CENATAC: variants seen among roughly 807,000 people sequenced by gnomAD.
The protein encoded by CENATAC is centrosomal AT-AC splicing factor.
CENATAC carries 53 observed loss-of-function variants against 53.7 expected under a neutral mutation model. The ratio of observed to expected loss-of-function variants is 0.99; its 90% confidence interval spans 0.79 to 1.24. The LOEUF is 1.24. CENATAC is among the 50% of genes most tolerant of loss of function. The pLI is 0.00. For synonymous variants in CENATAC, 156 were observed against 144.6 expected (o/e 1.08, Z -0.57); for missense variants, 474 against 417.8 (o/e 1.13, Z -1.17).
At position 118,998,295 on chromosome 11, in the gene CENATAC, C is replaced by A; in HGVS notation, c.98C>A (p.Ala33Asp). 1 of 1,606,516 alleles carries A rather than the reference C, an allele frequency of 6.2e-7. No individual in the cohort carries two copies. Among genetic ancestry groups the A allele is most frequent in the East Asian group, 2.2e-5 (1 of 44,640 alleles). Residue 33 changes from alanine to aspartate, a missense_variant, in exon 1 of 11, where the codon GCT becomes GAT. Coordinates refer to ENST00000334418, the MANE Select transcript of CENATAC (RefSeq NM_198489.3). ...SRKHQRQLKE[A>D]LERLLPQVEA... is the part of the protein sequence containing the mutation. ...AAGCACCAGCGGCAGCTGAAGGAGG[C>A]TTTGGAGAGGCTCCTGCCCCAGGTG... is the stretch of plus-strand genomic sequence containing the variant.
intron 3 of CENATAC, chr11:119,005,990 G>A (rs923573496): frequency 7.1e-6 from 1 of 141,548 alleles, no homozygotes; most frequent in South Asian, 2.3e-4. Context: ...AGACTGGAGT[G>A]CAGCGGTACA....
At position 118,998,460 on chromosome 11, in the gene CENATAC, G is replaced by C. The variant is rs781975206; in HGVS notation, c.151G>C (p.Ala51Pro). The C allele has an allele frequency of 7.4e-6, 12 of 1,612,628 alleles. No individual in the cohort carries two copies. The highest frequency in any genetic ancestry group is 1.0e-5 in the Non-Finnish European group (12 of 1,179,822). Residue 51 changes from alanine (A) to proline (P), a missense_variant, in exon 2 of 11, where the codon GCT (alanine) becomes CCT (proline). By Grantham distance (27) the Ala-to-Pro change is conservative (BLOSUM62 -1). Coordinates refer to ENST00000334418, the MANE Select transcript of CENATAC (RefSeq NM_198489.3). ...GGCGGCCCGCAAGGCCATCCGCGCC[G>C]CTCAGGTGGAGCGCTATGTGCCCGA... The part of the protein sequence containing the change: ...VEAARKAIRA[A>P]QVERYVPEHE...
chr11:119,006,816 G>C (rs782302237), intron 3 of CENATAC, among the ~76,000 whole-genome samples: 12 of 152,240 alleles, frequency 7.9e-5, no homozygotes, highest in Non-Finnish European at 1.8e-4. Context: ...AATCATGGGG[G>C]CGTTTTCCCC....
intron 3 of CENATAC, chr11:119,003,025 A>G (rs1342873949): frequency 1.5e-5 from 8 of 522,566 alleles, no homozygotes; most frequent in Admixed American, 9.7e-5. Flanking sequence ...GATGATCCCT[A>G]TTTTGTTGGC....
intron 6 of CENATAC, 71 bp from the exon 7 acceptor site, chr11:119,012,078 G>A: frequency 6.2e-7 from 1 of 1,613,808 alleles, no homozygotes; most frequent in South Asian, 1.1e-5. Context: ...CTGGGAAATG[G>A]AAACAGATCT....
chr11:119,007,190 G>A (rs953403948), intron 3 of CENATAC, among the ~76,000 whole-genome samples: 3 of 151,972 alleles, frequency 2.0e-5, no homozygotes, highest in African/African-American at 4.8e-5. Flanking sequence ...TTTTCTTTTC[G>A]TTTCTTTTTT....
chr11:119,008,989 G>A (rs191973602), intron 3 of CENATAC, among the ~76,000 whole-genome samples: 1 of 151,848 alleles, frequency 6.6e-6, no homozygotes, highest in East Asian at 1.9e-4. Flanking sequence ...CTGGGTCAAA[G>A]TGGCTGGGAC....
chr11:119,001,511 C>T (rs1942296556), intron 3 of CENATAC: 1 of 418,556 alleles, frequency 2.4e-6, no homozygotes, highest in East Asian at 7.2e-5. Flanking sequence ...CCCGTTTCAG[C>T]CTGGATTTGT....
In CENATAC at chr11:119,011,270, G is replaced by A. The variant is rs782492332; in HGVS notation, c.500G>A (p.Arg167Gln). Residue 167 changes from arginine (R) to glutamine (Q), a missense_variant, in exon 5 of 11, where the codon CGG becomes CAG. By Grantham distance (43) the Arg-to-Gln change is conservative (BLOSUM62 1). Coordinates refer to ENST00000334418, the MANE Select transcript of CENATAC (RefSeq NM_198489.3). ...GAGCAGAGCCGACAGGAGGTGGTTC[G>A]GTCTGTCTTAGAGGTTGGTTTCCCT... ...EVEQSRQEVV[R>Q]SVLEPQAVPD... 2.4e-5 allele frequency: 39 copies of A among 1,613,960 alleles called. No homozygotes were observed. The highest frequency in any genetic ancestry group is 3.3e-5 in the Admixed American group (2 of 59,996).
chr11:119,009,678 T>C (rs1329758897), intron 3 of CENATAC: 3 of 152,196 alleles, frequency 2.0e-5, no homozygotes, highest in Admixed American at 6.5e-5. Flanking sequence ...GCTCAAGCCA[T>C]TGTCTCCTTG....
Position 119,013,220 on chromosome 11 carries a change from T to TTCCAACTACAGGTATA in CENATAC, c.685_686insTATATCCAACTACAGG. ...CTTTAACTAGCACTTTTTTTCCCAT[T>TTCCAACTACAGGTATA]TCCAACTACAGGATATACCAGGAGT... is the stretch of plus-strand genomic sequence containing the variant. On this transcript the variant is annotated splice_polypyrimidine_tract_variant and intron_variant, in intron 7 of 10. Transcript: ENST00000334418. 1 of 1,603,444 alleles carries TTCCAACTACAGGTATA rather than the reference T, an allele frequency of 6.2e-7. No homozygotes were observed. Among genetic ancestry groups the TTCCAACTACAGGTATA allele is most frequent in the Non-Finnish European group, 8.5e-7 (1 of 1,175,104 alleles).
At chr11:119,011,373 T>G (rs552161982) in intron 5 of CENATAC, 90 bp downstream of exon 5, 240 of 1,232,804 alleles carry the variant, frequency 1.9e-4, no homozygotes, top group African/African-American at 1.2e-3. Flanking sequence ...TAGTGCTTCT[T>G]CTTCTTCTTT....
In CENATAC at chr11:119,011,666, C is replaced by T. The variant is rs181933376; in HGVS notation, c.514-273C>T. Among the ~76,000 whole-genome samples the T allele has an allele frequency of 9.5e-4, 145 of 152,216 alleles. 1 individual carries two copies. Among genetic ancestry groups the T allele is most frequent in the Non-Finnish European group, 1.8e-3 (125 of 68,018 alleles). ...AATTACAAGCATGAGCCACTGTGCC[C>T]GGCCATGAACCAGTGCTTCTAAGAG... On this transcript the variant is annotated intron_variant, in intron 5 of 10. Transcript: ENST00000334418.
chr11:119,003,223 A>G (rs915838217), intron 3 of CENATAC: 4 of 535,826 alleles, frequency 7.5e-6, no homozygotes, highest in Non-Finnish European at 1.5e-5. Context: ...GTCAGAGGAA[A>G]CTTGATGATG....
chr11:119,010,400 G>A (rs1177245966), intron 3 of CENATAC: 1 of 209,934 alleles, frequency 4.8e-6, no homozygotes, highest in African/African-American at 2.3e-5. Context: ...CTGAAGACAT[G>A]TAAACCATGT....
At position 118,998,302 on chromosome 11, in the gene CENATAC, G is replaced by C; in HGVS notation, c.105G>C (p.Glu35Asp). Residue 35 changes from glutamate to aspartate, a missense_variant, in exon 1 of 11, where the codon GAG becomes GAC. By Grantham distance (45) the Glu-to-Asp change is conservative. Transcript: ENST00000334418. The stretch of plus-strand genomic sequence containing the variant: ...AGCGGCAGCTGAAGGAGGCTTTGGA[G>C]AGGCTCCTGCCCCAGGTGCGGAGGC... ...KHQRQLKEALERLLPQVEAAR... is the reference protein window; with the variant it reads ...KHQRQLKEALDRLLPQVEAAR... The C allele has an allele frequency of 6.2e-7, 1 of 1,608,106 alleles. No homozygotes were observed. Among genetic ancestry groups the C allele is most frequent in the Non-Finnish European group, 8.5e-7 (1 of 1,177,464 alleles).
chr11:119,014,815 C>T lies in CENATAC; in HGVS notation c.716-179C>T, dbSNP rs538117182. On this transcript the variant is annotated intron_variant, in intron 8 of 10. Transcript: ENST00000334418. ...CTCAAAGCCATTTTAAAATGACTGTCACATATGGGGTATGTCGCTTTAAAT... is the reference window on the plus strand; with the variant it reads ...CTCAAAGCCATTTTAAAATGACTGTTACATATGGGGTATGTCGCTTTAAAT... 4.8e-4 allele frequency: 215 copies of T among 451,238 alleles called. 9 individuals are homozygous for T. In the South Asian group the frequency reaches 9.7e-3, roughly 20 times the overall value. The allele number at this position is 451,238 out of a possible 1,614,324, so 28.0% of individuals were successfully genotyped here. A position where few individuals can be genotyped will look rare whatever the true frequency, so the allele number is the denominator to read the frequency against.
In CENATAC at chr11:118,999,798, A is replaced by T. The variant is rs190963564; in HGVS notation, c.383+689A>T. Among the ~76,000 whole-genome samples the T allele has an allele frequency of 2.0e-3, 298 of 152,028 alleles. 1 individual carries two copies. Among genetic ancestry groups the T allele is most frequent in the Middle Eastern group, 3.4e-3 (1 of 294 alleles). On this transcript the variant is annotated intron_variant, in intron 3 of 10. Transcript: ENST00000334418. ...GCTGGGACTACAGGCGCCTGCCACC[A>T]CGCCCGGCTAATTTTTTGTATTTTT...
intron 8 of CENATAC, chr11:119,014,307 G>C (rs782317719): frequency 6.6e-6 from 1 of 152,318 alleles, no homozygotes; most frequent in African/African-American, 2.4e-5. Context: ...AGACCTGGCC[G>C]GCGTGGTGGC....
Sources: allele counts gnomAD v4.1 joint callset (sites outside exome capture counted in the v4.1 genomes callset), GRCh38; gene constraint gnomAD v4.1.1; transcripts MANE v1.5; gene names NCBI Gene and HGNC (gene_info 2026-07-23, HGNC 2026-07-21).